Variants in SSUH2 observed in about 807,000 individuals in gnomAD.
SSUH2 encodes the protein protein SSUH2 homolog.
In SSUH2, 47 loss-of-function variants were observed where a neutral mutation model predicts 55.3. The ratio of observed to expected loss-of-function variants is 0.85; its 90% confidence interval spans 0.67 to 1.08. The LOEUF is 1.08. Among genes scored for constraint, SSUH2 ranks in the 50% least tolerant of loss-of-function variants. The pLI, the probability that SSUH2 is intolerant of heterozygous loss-of-function variation, is 0.00. For missense variants in SSUH2, 535 were observed against 490.7 expected, an observed-to-expected ratio of 1.09 and a Z score of -0.85; for synonymous variants, 212 against 191.5, an observed-to-expected ratio of 1.11 and a Z score of -0.89.
Position 8,619,866 on chromosome 3 carries a change from T to C in SSUH2, c.*2A>G, listed in dbSNP as rs190055776. 3 of 1,613,194 alleles carry C rather than the reference T, an allele frequency of 1.9e-6. No individual in the cohort carries two copies. The highest frequency in any genetic ancestry group is 2.2e-5 in the East Asian group (1 of 44,872). On this transcript the variant is annotated 3_prime_UTR_variant, in exon 12 of 12. Transcript: ENST00000544814. ...GCAGGCTCTGGGGACAGCCATGCTATGTCACACGATGGTACAGCCACAGCA... is the reference window on the plus strand; with the variant it reads ...GCAGGCTCTGGGGACAGCCATGCTACGTCACACGATGGTACAGCCACAGCA...
chr3:8,629,075 G>A (rs1188362078), intron 7 of SSUH2, among the ~76,000 whole-genome samples: 1 of 152,136 alleles, frequency 6.6e-6, no homozygotes, highest in Non-Finnish European at 1.5e-5. Flanking sequence ...TAGCCCAGAT[G>A]GTCTCGATCT....
At chr3:8,674,040 A>G (rs1704931738) in intron 3 of SSUH2, among the ~76,000 whole-genome samples, 1 of 152,254 alleles carries the variant, frequency 6.6e-6, no homozygotes, top group African/African-American at 2.4e-5. Context: ...CTGCAGAAGC[A>G]GGCTGGGCTT....
At chr3:8,657,735 G>C (rs796598071) in intron 7 of SSUH2, among the ~76,000 whole-genome samples, 22 of 152,222 alleles carry the variant, frequency 1.4e-4, no homozygotes, top group African/African-American at 5.3e-4. Context: ...GAGGGAGGGA[G>C]AAAGGAAGAA....
intron 5 of SSUH2, among the ~76,000 whole-genome samples, chr3:8,666,011 GA>G (rs1703959427): frequency 6.6e-6 from 1 of 152,156 alleles, no homozygotes; most frequent in African/African-American, 2.4e-5. Flanking sequence ...AAGCCCACTT[GA>G]TTAAGTTGTC....
chr3:8,650,244 G>GCA (rs1275206051), intron 7 of SSUH2, among the ~76,000 whole-genome samples: 1 of 152,146 alleles, frequency 6.6e-6, no homozygotes, highest in African/African-American at 2.4e-5. Context: ...TTTCTTCATG[G>GCA]CACTTACTTC....
chr3:8,665,859 A>G (rs1703944123), intron 5 of SSUH2, among the ~76,000 whole-genome samples: 1 of 152,200 alleles, frequency 6.6e-6, no homozygotes, highest in African/African-American at 2.4e-5. Context: ...CAAAGTGGCC[A>G]TTAGAACACA....
chr3:8,637,022 A>T (rs1700032856), intron 1 of SSUH2, among the ~76,000 whole-genome samples: 1 of 152,280 alleles, frequency 6.6e-6, no homozygotes, highest in East Asian at 1.9e-4. Flanking sequence ...TGATTTTTCT[A>T]CTTTATGATG....
At chr3:8,639,939 C>T in intron 1 of SSUH2, 3 of 984,738 alleles carry the variant, frequency 3.0e-6, no homozygotes, top group African/African-American at 3.5e-5. Flanking sequence ...AGGGGAACAG[C>T]AAACCTACCA....
chr3:8,632,656 A>G (rs1372759314), intron 4 of SSUH2, among the ~76,000 whole-genome samples: 1 of 152,150 alleles, frequency 6.6e-6, no homozygotes, highest in Non-Finnish European at 1.5e-5. Context: ...TGCTCTAACC[A>G]CTGCCTGCAA....
In SSUH2 at chr3:8,661,253, C is replaced by T. The variant is rs146573750; in HGVS notation, c.-395-2240G>A. On this transcript the variant is annotated intron_variant, in intron 6 of 18. Coordinates refer to the SSUH2 transcript ENST00000317371. Reference sequence around the variant, plus strand: ...ACTCTGTTCCCTCTGCCTAGAACTCCGTTGCCCAGCTTCCTAATCCACCAA... The same window carrying T: ...ACTCTGTTCCCTCTGCCTAGAACTCTGTTGCCCAGCTTCCTAATCCACCAA... Among the ~76,000 whole-genome samples, 359 of 152,326 alleles carry T rather than the reference C, an allele frequency of 2.4e-3. 2 individuals are homozygous for T. Among genetic ancestry groups the T allele is most frequent in the African/African-American group, 8.2e-3 (339 of 41,578 alleles).
chr3:8,633,268 C>T (rs1486724585), intron 4 of SSUH2, among the ~76,000 whole-genome samples: 7 of 151,952 alleles, frequency 4.6e-5, no homozygotes, highest in East Asian at 1.9e-4. Context: ...CTCAGCCTCC[C>T]GAGTAGCTGG....
intron 7 of SSUH2, among the ~76,000 whole-genome samples, chr3:8,655,424 G>A (rs181100964): frequency 1.6e-3 from 225 of 138,700 alleles, no homozygotes; most frequent in Admixed American, 5.0e-3. Context: ...TCAGTGTGTG[G>A]CCTCCTCAAG....
chr3:8,680,968 C>T (rs1164512751), intron 1 of SSUH2, among the ~76,000 whole-genome samples: 3 of 151,624 alleles, frequency 2.0e-5, no homozygotes, highest in African/African-American at 7.2e-5. Context: ...ATCCTCTCCC[C>T]CTCTTCCCTC....
At chr3:8,668,098 G>C (rs1202982261) in intron 5 of SSUH2, among the ~76,000 whole-genome samples, 1 of 152,082 alleles carries the variant, frequency 6.6e-6, no homozygotes, top group Non-Finnish European at 1.5e-5. Context: ...GAAGCACCGA[G>C]AGAATCTGCT....
At chr3:8,644,815 G>A, upstream of SSUH2, 1 of 1,490,836 alleles carries the variant, frequency 6.7e-7, no homozygotes, top group Non-Finnish European at 9.0e-7. Flanking sequence ...GGACCGATGT[G>A]CTCTGATGGA....
intron 7 of SSUH2, chr3:8,652,088 C>T (rs1043369789): frequency 6.6e-6 from 1 of 152,398 alleles, no homozygotes; most frequent in Non-Finnish European, 1.5e-5. Flanking sequence ...CAGTGATGAC[C>T]AGGAAACGGT....
At chr3:8,646,590 G>A (rs566405245), upstream of SSUH2, among the ~76,000 whole-genome samples, 1 of 152,162 alleles carries the variant, frequency 6.6e-6, no homozygotes, top group South Asian at 2.1e-4. Flanking sequence ...CTCTTAAAAC[G>A]CATGGAAGAT....
chr3:8,643,731 G>C (rs978671813), intron 1 of SSUH2, among the ~76,000 whole-genome samples: 1 of 152,216 alleles, frequency 6.6e-6, no homozygotes, highest in Non-Finnish European at 1.5e-5. Flanking sequence ...AGTTGTGTTA[G>C]TGTCATGGAT....
At chr3:8,675,900 T>C (rs1575397675) in intron 3 of SSUH2, among the ~76,000 whole-genome samples, 1 of 152,060 alleles carries the variant, frequency 6.6e-6, no homozygotes, top group Admixed American at 6.5e-5. Context: ...GCTGGACTTT[T>C]AACCCAAACT....
Sources: allele counts gnomAD v4.1 joint callset (sites outside exome capture counted in the v4.1 genomes callset), GRCh38; gene constraint gnomAD v4.1.1; transcripts MANE v1.5; gene names NCBI Gene and HGNC (gene_info 2026-07-23, HGNC 2026-07-21).